GRIN3A: variants seen among roughly 807,000 people sequenced by gnomAD.
The protein encoded by GRIN3A is glutamate ionotropic receptor NMDA type subunit 3A.
In GRIN3A, 47 loss-of-function variants were observed where a neutral mutation model predicts 92.4. The ratio of observed to expected loss-of-function variants is 0.51; its 90% CI spans 0.40 to 0.65. The LOEUF is 0.65. Ranked by LOEUF, GRIN3A falls within the 30% of genes least tolerant of loss-of-function variation. GRIN3A has a pLI of 0.00. For synonymous variants in GRIN3A, 527 were observed against 540.6 expected, an observed-to-expected ratio of 0.97 and a Z score of 0.35; for missense variants, 1,324 against 1,393.1, an observed-to-expected ratio of 0.95 and a Z score of 0.79.
intron 1 of GRIN3A, among the ~76,000 whole-genome samples, chr9:101,688,765 A>C (rs2118981906): frequency 6.6e-6 from 1 of 152,232 alleles, no homozygotes; most frequent in East Asian, 1.9e-4. Flanking sequence ...CTAAAAATAC[A>C]AAAATTAGCC....
chr9:101,693,246 T>A (rs1268608992), intron 1 of GRIN3A, among the ~76,000 whole-genome samples: 1 of 6,274 alleles, frequency 1.6e-4, no homozygotes, highest in Non-Finnish European at 1.1e-3. Flanking sequence ...TCAGCTAAAA[T>A]ATATATATAT....
intron 3 of GRIN3A, among the ~76,000 whole-genome samples, chr9:101,635,281 T>C (rs1828770587): frequency 6.6e-6 from 1 of 152,182 alleles, no homozygotes; most frequent in Non-Finnish European, 1.5e-5. Flanking sequence ...ATGGGCCAAA[T>C]CTAGCCTGCT....
At chr9:101,613,319 A>G (rs891320853) in intron 6 of GRIN3A, 57 bp downstream of exon 6, 8 of 1,563,042 alleles carry the variant, frequency 5.1e-6, no homozygotes, top group Non-Finnish European at 7.1e-6. Flanking sequence ...GCATTTCCTT[A>G]TGTTCTCTGA....
Position 101,608,354 on chromosome 9 carries a change from T to C in GRIN3A, c.2766+5022A>G, listed in dbSNP as rs546242226. Among the ~76,000 whole-genome samples, 9 of 152,354 alleles carry C rather than the reference T, an allele frequency of 5.9e-5. No homozygotes were observed. The South Asian group carries it at 1.9e-3, about 32-fold the overall frequency. ...ATCCTGATATTAGCCTTTTATTCAA[T>C]GCTTCCAGCTGACTACATCTAGAAT... is the stretch of plus-strand genomic sequence containing the variant. On this transcript the variant is annotated intron_variant, in intron 6 of 8. Transcript: ENST00000361820.
intron 6 of GRIN3A, chr9:101,594,733 G>C: frequency 6.2e-7 from 1 of 1,613,986 alleles, no homozygotes. Context: ...CACCGTCGGT[G>C]TCGAAGACGT....
At chr9:101,705,583 C>T (rs1307560517) in intron 1 of GRIN3A, among the ~76,000 whole-genome samples, 1 of 152,164 alleles carries the variant, frequency 6.6e-6, no homozygotes, top group Non-Finnish European at 1.5e-5. Context: ...AACACACGCT[C>T]ACTTGGGTTC....
intron 5 of GRIN3A, among the ~76,000 whole-genome samples, chr9:101,619,684 T>C (rs1177472646): frequency 6.6e-6 from 1 of 152,212 alleles, no homozygotes; most frequent in Non-Finnish European, 1.5e-5. Context: ...TTGCATTAAA[T>C]AATTATTGGA....
rs560052698 is a variant in GRIN3A at position 101,692,750 on chromosome 9, C to T, written c.700-5550G>A. 3.1e-4 allele frequency among the ~76,000 whole-genome samples: 47 copies of T among 152,300 alleles called. No homozygotes were observed. The South Asian group carries it at 9.7e-3, about 32-fold the overall frequency. ...AGCCAAAGAGGCTGCAGGAGGTTTT[C>T]TGTTTCTCATTATCTCACATCTCAT... On this transcript the variant is annotated intron_variant, in intron 1 of 8. Coordinates refer to ENST00000361820, the MANE Select transcript of GRIN3A (RefSeq NM_133445.3).
rs1206381512 is a variant in GRIN3A, at chr9:101,613,485, T to C, written c.2657A>G (p.Asn886Ser). The C allele has an allele frequency of 3.1e-6, 5 of 1,614,220 alleles. No homozygotes were observed. The highest frequency in any genetic ancestry group is 1.7e-5 in the Admixed American group (1 of 60,034). The change falls in exon 6 of 9, where the codon AAC (asparagine) becomes AGC (serine). Residue 886 changes from asparagine to serine, a missense_variant. Physicochemically the swap from Asn to Ser is conservative, Grantham distance 46. Transcript: ENST00000361820. ...GTATTGACTGATTAGCTCGGATATG[T>C]TGGCGGTCAATGGAGAGTTGGGTGG... Reference protein sequence around the residue: ...GLPPNSPLTANISELISQYKS... With the variant: ...GLPPNSPLTASISELISQYKS...
At chr9:101,710,586 C>T in intron 1 of GRIN3A, among the ~76,000 whole-genome samples, 1 of 152,152 alleles carries the variant, frequency 6.6e-6, no homozygotes. Context: ...TGTTGTAACT[C>T]AGGGATTTCT....
At chr9:101,607,078 T>C (rs1828295963) in intron 6 of GRIN3A, among the ~76,000 whole-genome samples, 1 of 151,642 alleles carries the variant, frequency 6.6e-6, no homozygotes, top group South Asian at 2.1e-4. Context: ...TCTTTGAAAA[T>C]TGCCAGAGTC....
chr9:101,711,828 C>G (rs1176394087), intron 1 of GRIN3A, among the ~76,000 whole-genome samples: 1 of 152,154 alleles, frequency 6.6e-6, no homozygotes, highest in Non-Finnish European at 1.5e-5. Context: ...GGCTCCAAGT[C>G]TCGACTTTCA....
chr9:101,711,747 G>A (rs1829881727), intron 1 of GRIN3A, among the ~76,000 whole-genome samples: 1 of 152,110 alleles, frequency 6.6e-6, no homozygotes, highest in African/African-American at 2.4e-5. Flanking sequence ...ATAATTGATA[G>A]CGAAATGAGC....
chr9:101,583,965 T>TC (rs1326132259), intron 6 of GRIN3A, among the ~76,000 whole-genome samples: 1 of 152,220 alleles, frequency 6.6e-6, no homozygotes, highest in African/African-American at 2.4e-5. Flanking sequence ...CAAGCAATTC[T>TC]CATGCCTCAG....
rs1828661401 is a variant in GRIN3A, at chr9:101,628,238, C to A, written c.2498+18G>T. On this transcript the variant is annotated intron_variant, in intron 4 of 8. Transcript: ENST00000361820. ...TTCAGTGAGAATTTTTCTTTGGATC[C>A]AAGAGGTTGACACTCACTTCAGATA... The A allele has an allele frequency of 6.2e-7, 1 of 1,613,476 alleles. No individual in the cohort carries two copies. The highest frequency in any genetic ancestry group is 8.5e-7 in the Non-Finnish European group (1 of 1,179,626).
At chr9:101,601,581 C>T (rs1409642798) in intron 6 of GRIN3A, among the ~76,000 whole-genome samples, 1 of 152,158 alleles carries the variant, frequency 6.6e-6, no homozygotes. Flanking sequence ...TCCCCTAGTT[C>T]GGGAGGCTAG....
chr9:101,726,230 C>G (rs1830080907), intron 1 of GRIN3A, among the ~76,000 whole-genome samples: 1 of 152,106 alleles, frequency 6.6e-6, no homozygotes, highest in Non-Finnish European at 1.5e-5. Flanking sequence ...GAAATGTAGT[C>G]AGATAAATTG....
At chr9:101,574,635 A>G (rs1206739695) in intron 8 of GRIN3A, among the ~76,000 whole-genome samples, 1 of 152,158 alleles carries the variant, frequency 6.6e-6, no homozygotes, top group Non-Finnish European at 1.5e-5. Flanking sequence ...TTCTCCTTTC[A>G]TTTATGCCCT....
At chr9:101,699,747 T>C (rs886135066) in intron 1 of GRIN3A, among the ~76,000 whole-genome samples, 3 of 152,188 alleles carry the variant, frequency 2.0e-5, no homozygotes, top group Non-Finnish European at 4.4e-5. Context: ...GCTTATCTTC[T>C]TTGAAGAACA....
Sources: allele counts gnomAD v4.1 joint callset (sites outside exome capture counted in the v4.1 genomes callset), GRCh38; gene constraint gnomAD v4.1.1; transcripts MANE v1.5; gene names NCBI Gene and HGNC (gene_info 2026-07-23, HGNC 2026-07-21).